Variants in TNKS observed in about 807,000 individuals in gnomAD.
The protein encoded by TNKS is poly [ADP-ribose] polymerase tankyrase-1.
A neutral mutation model predicts 135.8 loss-of-function variants in TNKS; 72 were observed. The observed-to-expected ratio is 0.53, with a 90% confidence interval of 0.44 to 0.64. The LOEUF (loss-of-function observed/expected upper bound fraction) is 0.64, where lower values mean the gene tolerates loss of function less well. TNKS is among the 30% of genes least tolerant of loss of function. The probability of loss-of-function intolerance (pLI) is 0.00; values close to 1 mark genes in which losing one functional copy is unlikely to be tolerated. For missense variants in TNKS, 1,769 were observed against 1,674.0 expected (o/e 1.06, Z -0.99); for synonymous variants, 849 against 649.3 (o/e 1.31, Z -4.68).
rs374241461 is a variant in TNKS, at chr8:9,722,709, T to A, written c.1921+2164T>A. On this transcript the variant is annotated intron_variant, in intron 12 of 26. Coordinates refer to ENST00000310430, the MANE Select transcript of TNKS (RefSeq NM_003747.3). ...AAGTTGTGATTTTTGTTAAAATTTC[T>A]AAATTTTCTCATTTTACTGAGAATC... Among the ~76,000 whole-genome samples, 7 of 152,202 alleles carry A rather than the reference T, an allele frequency of 4.6e-5. No individual in the cohort carries two copies. In the East Asian group the frequency reaches 7.7e-4, roughly 17 times the overall value.
At chr8:9,634,372 G>A (rs28587365) in intron 3 of TNKS, among the ~76,000 whole-genome samples, 1,767 of 152,156 alleles carry the variant, frequency 0.012, 27 homozygotes, top group African/African-American at 0.041. Context: ...ACTGAAGAAA[G>A]TAAAGAACTA....
At chr8:9,631,281 C>A (rs1452283012) in intron 3 of TNKS, among the ~76,000 whole-genome samples, 1 of 152,284 alleles carries the variant, frequency 6.6e-6, no homozygotes, top group Non-Finnish European at 1.5e-5. Context: ...ACGTACCCAG[C>A]CATGTCAATC....
chr8:9,770,096 T>G lies in TNKS; in HGVS notation c.3741-10T>G, dbSNP rs1302576354. 1.0e-5 allele frequency: 16 copies of G among 1,585,746 alleles called. No homozygotes were observed. Among genetic ancestry groups the G allele is most frequent in the African/African-American group, 1.4e-5 (1 of 74,062 alleles). The stretch of plus-strand genomic sequence containing the variant: ...TTCCTTCAAAGCATTGTTTTTTTCT[T>G]TTTCCTTAGACAAATGCTCTTCTGT... On this transcript the variant is annotated splice_polypyrimidine_tract_variant and intron_variant, in intron 25 of 26. Coordinates refer to ENST00000310430, the MANE Select transcript of TNKS (RefSeq NM_003747.3).
At chr8:9,636,255 G>T (rs1348841715) in intron 3 of TNKS, among the ~76,000 whole-genome samples, 3 of 152,162 alleles carry the variant, frequency 2.0e-5, no homozygotes, top group African/African-American at 7.2e-5. Flanking sequence ...CAAATTTTCT[G>T]TTTGAAGTTA....
intron 2 of TNKS, among the ~76,000 whole-genome samples, chr8:9,602,868 T>C (rs1378766541): frequency 6.6e-6 from 1 of 151,966 alleles, no homozygotes; most frequent in Non-Finnish European, 1.5e-5. Flanking sequence ...AAATCTCTGC[T>C]ATCTGTTGTA....
Position 9,587,682 on chromosome 8 carries a change from G to A in TNKS, c.898+7299G>A, listed in dbSNP as rs138501241. On this transcript the variant is annotated intron_variant, in intron 2 of 26. Coordinates refer to ENST00000310430, the MANE Select transcript of TNKS (RefSeq NM_003747.3). ...CTCCCAAAGTGCTGGGATTACAGGCGTGAGCCACTGCGCCTGGCCGACACT... is the reference window on the plus strand; with the variant it reads ...CTCCCAAAGTGCTGGGATTACAGGCATGAGCCACTGCGCCTGGCCGACACT... Among the ~76,000 whole-genome samples the A allele has an allele frequency of 4.3e-3, 657 of 152,288 alleles. 4 individuals carry two copies. Among genetic ancestry groups the A allele is most frequent in the African/African-American group, 0.015 (619 of 41,552 alleles).
At chr8:9,582,329 T>C (rs1189489148) in intron 2 of TNKS, among the ~76,000 whole-genome samples, 1 of 152,196 alleles carries the variant, frequency 6.6e-6, no homozygotes, top group African/African-American at 2.4e-5. Context: ...TTTTGTTTGT[T>C]TGTTTTCCTT....
chr8:9,571,223 C>A (rs755681160), intron 1 of TNKS, among the ~76,000 whole-genome samples: 3 of 151,842 alleles, frequency 2.0e-5, no homozygotes, highest in Non-Finnish European at 2.9e-5. Context: ...AGCCTTTTTT[C>A]CTTTTTGGCT....
In TNKS at chr8:9,680,778, G is replaced by A. The variant is rs777564565; in HGVS notation, c.1085G>A (p.Cys362Tyr). Residue 362 changes from cysteine to tyrosine, a missense_variant, in exon 5 of 27, where the codon TGC (cysteine) becomes TAC (tyrosine). Physicochemically the swap from Cys to Tyr is radical, Grantham distance 194. Coordinates refer to ENST00000310430, the MANE Select transcript of TNKS (RefSeq NM_003747.3). The part of the protein sequence containing the change: ...MALLTPLNVN[C>Y]HASDGRKSTP... ...TTACTGACTCCTCTAAATGTGAATT[G>A]CCATGCAAGTGATGGGCGAAAGGTA... 1 of 1,612,092 alleles carries A rather than the reference G, an allele frequency of 6.2e-7. No individual in the cohort carries two copies. Among genetic ancestry groups the A allele is most frequent in the African/African-American group, 1.3e-5 (1 of 74,860 alleles).
intron 3 of TNKS, among the ~76,000 whole-genome samples, chr8:9,667,122 A>G (rs1162432289): frequency 6.6e-6 from 1 of 152,236 alleles, no homozygotes; most frequent in Non-Finnish European, 1.5e-5. Flanking sequence ...AAGTCATTCA[A>G]CAAATAGAAA....
intron 1 of TNKS, chr8:9,575,084 A>G (rs995496827): frequency 2.4e-5 from 24 of 984,654 alleles, no homozygotes; most frequent in Non-Finnish European, 2.9e-5. Context: ...GAATCTCTCC[A>G]TTATCTTTTT....
At chr8:9,726,818 A>T (rs1055988776) in intron 13 of TNKS, 98 bp downstream of exon 13, 1 of 958,800 alleles carries the variant, frequency 1.0e-6, no homozygotes, top group African/African-American at 1.6e-5. Flanking sequence ...TACAAACAGT[A>T]AAAAGGATGA....
intron 3 of TNKS, among the ~76,000 whole-genome samples, chr8:9,639,507 G>A (rs1800643645): frequency 6.9e-6 from 1 of 145,774 alleles, no homozygotes; most frequent in Non-Finnish European, 1.5e-5. Flanking sequence ...ATATAATCTT[G>A]TTTATCTAAG....
intron 2 of TNKS, among the ~76,000 whole-genome samples, chr8:9,599,260 C>T (rs908441045): frequency 1.3e-5 from 2 of 152,134 alleles, no homozygotes; most frequent in African/African-American, 2.4e-5. Context: ...TCTGTTAGCA[C>T]TGTATATCTA....
At chr8:9,665,915 C>G (rs1801963787) in intron 3 of TNKS, among the ~76,000 whole-genome samples, 1 of 152,164 alleles carries the variant, frequency 6.6e-6, no homozygotes, top group Non-Finnish European at 1.5e-5. Flanking sequence ...TTTTCCCCTC[C>G]CTAACCTCAT....
chr8:9,713,354 A>G (rs1804429255), intron 11 of TNKS, among the ~76,000 whole-genome samples: 1 of 152,192 alleles, frequency 6.6e-6, no homozygotes, highest in South Asian at 2.1e-4. Flanking sequence ...ATTAGGAATA[A>G]TGCCCTTCAT....
At chr8:9,661,565 C>T (rs1344907019) in intron 3 of TNKS, among the ~76,000 whole-genome samples, 4 of 152,152 alleles carry the variant, frequency 2.6e-5, no homozygotes, top group Non-Finnish European at 5.9e-5. Context: ...CTTCCTTACA[C>T]CTTAGACAAA....
chr8:9,764,573 T>C, intron 22 of TNKS, 143 bp from the exon 23 acceptor site: 1 of 478,672 alleles, frequency 2.1e-6, no homozygotes, highest in Non-Finnish European at 3.6e-6. Flanking sequence ...AATTATTTTC[T>C]CACCAAAAAT....
At chr8:9,735,554 A>G in intron 17 of TNKS, 68 bp downstream of exon 17, 1 of 1,266,582 alleles carries the variant, frequency 7.9e-7, no homozygotes, top group Non-Finnish European at 1.2e-6. Context: ...TAATCCCAGC[A>G]CTTTAGGAGG....
Sources: allele counts gnomAD v4.1 joint callset (sites outside exome capture counted in the v4.1 genomes callset), GRCh38; gene constraint gnomAD v4.1.1; transcripts MANE v1.5; gene names NCBI Gene and HGNC (gene_info 2026-07-23, HGNC 2026-07-21).